EPHA6: variants seen among roughly 807,000 people sequenced by gnomAD.
EPHA6 encodes ephrin type-A receptor 6.
EPHA6 carries 50 observed loss-of-function variants against 112.0 expected under a neutral mutation model. The ratio of observed to expected loss-of-function variants is 0.45; its 90% CI spans 0.36 to 0.56. The LOEUF is 0.56. EPHA6 is among the 20% of genes least tolerant of loss of function. The pLI, the probability that EPHA6 is intolerant of heterozygous loss-of-function variation, is 0.00. For missense variants in EPHA6, 1,280 were observed against 1,417.4 expected, an observed-to-expected ratio of 0.90 and a Z score of 1.56; for synonymous variants, 529 against 490.7, an observed-to-expected ratio of 1.08 and a Z score of -1.03.
At chr3:97,132,444 TAA>T (rs1379240236) in intron 3 of EPHA6, among the ~76,000 whole-genome samples, 2 of 152,102 alleles carry the variant, frequency 1.3e-5, no homozygotes, top group Non-Finnish European at 2.9e-5. Context: ...TTAGTCTTTT[TAA>T]ATATCTCACT....
chr3:97,083,455 TATTGCACTC>T (rs764840212), intron 3 of EPHA6, among the ~76,000 whole-genome samples: 51 of 152,018 alleles, frequency 3.4e-4, no homozygotes, highest in Non-Finnish European at 6.3e-4. Context: ...ATCACATGCT[TATTGCACTC>T]ATTGTTTACA....
At chr3:97,547,848 G>A (rs1368662826) in intron 11 of EPHA6, among the ~76,000 whole-genome samples, 2 of 152,328 alleles carry the variant, frequency 1.3e-5, no homozygotes, top group African/African-American at 2.4e-5. Flanking sequence ...GACTCTGTGG[G>A]CGTAGGACCC....
intron 3 of EPHA6, among the ~76,000 whole-genome samples, chr3:97,168,047 TAAG>T (rs2076584239): frequency 6.6e-6 from 1 of 152,126 alleles, no homozygotes; most frequent in African/African-American, 2.4e-5. Context: ...AGAATTCACT[TAAG>T]AAATTTTTCT....
At chr3:97,731,201 G>A (rs2035019256) in intron 15 of EPHA6, among the ~76,000 whole-genome samples, 1 of 152,044 alleles carries the variant, frequency 6.6e-6, no homozygotes, top group South Asian at 2.1e-4. Context: ...TTGAGCAACA[G>A]GAAAGGCAGA....
At chr3:97,668,412 C>A (rs2030388590) in intron 14 of EPHA6, among the ~76,000 whole-genome samples, 1 of 152,134 alleles carries the variant, frequency 6.6e-6, no homozygotes, top group Non-Finnish European at 1.5e-5. Context: ...TGTCAGAAAT[C>A]CTCAGATTCA....
chr3:97,428,827 G>C (rs2089321439), intron 6 of EPHA6, among the ~76,000 whole-genome samples: 2 of 152,128 alleles, frequency 1.3e-5, no homozygotes, highest in South Asian at 4.1e-4. Context: ...ATGCTCAAAA[G>C]AGCAGTCTCC....
chr3:96,914,331 A>T (rs957155606), intron 2 of EPHA6, among the ~76,000 whole-genome samples: 1 of 152,144 alleles, frequency 6.6e-6, no homozygotes, highest in Non-Finnish European at 1.5e-5. Flanking sequence ...GTAAAGTTTT[A>T]AGTCATGTAA....
chr3:96,962,414 A>G (rs1038755907), intron 2 of EPHA6, among the ~76,000 whole-genome samples: 1 of 150,926 alleles, frequency 6.6e-6, no homozygotes, highest in Non-Finnish European at 1.5e-5. Context: ...CAGAAGCTAG[A>G]GTTGAGAGTG....
chr3:97,104,427 G>A (rs1576495264), intron 3 of EPHA6, among the ~76,000 whole-genome samples: 1 of 152,102 alleles, frequency 6.6e-6, no homozygotes, highest in Admixed American at 6.6e-5. Flanking sequence ...CTTTAGTTCT[G>A]TTTATATGAT....
At chr3:97,121,662 C>T (rs1576524893) in intron 3 of EPHA6, among the ~76,000 whole-genome samples, 1 of 152,068 alleles carries the variant, frequency 6.6e-6, no homozygotes, top group Non-Finnish European at 1.5e-5. Context: ...GGCTATATAA[C>T]TGCTTTCCCA....
intron 2 of EPHA6, among the ~76,000 whole-genome samples, chr3:96,895,012 T>TAGA (rs1481939589): frequency 6.6e-6 from 1 of 152,192 alleles, no homozygotes; most frequent in African/African-American, 2.4e-5. Context: ...CTGTGATGAA[T>TAGA]AGAAGAAACA....
intron 1 of EPHA6, among the ~76,000 whole-genome samples, chr3:96,840,953 G>A (rs759115551): frequency 2.6e-5 from 4 of 152,040 alleles, no homozygotes; most frequent in Non-Finnish European, 4.4e-5. Context: ...ATATTGTTTT[G>A]TGAACCCCCA....
At chr3:97,185,488 G>C (rs1434650820) in intron 3 of EPHA6, among the ~76,000 whole-genome samples, 4 of 152,056 alleles carry the variant, frequency 2.6e-5, no homozygotes, top group Admixed American at 2.0e-4. Context: ...CTGGCCATCA[G>C]AGAAATGCAA....
At position 97,756,451 on chromosome 3, in the gene EPHA6, A is replaced by C. The variant is rs757982249; in HGVS notation, c.*7750A>C. Among the ~76,000 whole-genome samples the C allele has an allele frequency of 4.1e-4, 63 of 152,098 alleles. No individual in the cohort carries two copies. Among genetic ancestry groups the C allele is most frequent in the South Asian group, 1.2e-3 (6 of 4,832 alleles). On this transcript the variant is annotated 3_prime_UTR_variant, in exon 18 of 18. Transcript: ENST00000389672. ...TTTAAGACAATGCTGAATATCATAC[A>C]TAGTTAATAAACAATGATTGGAGCT...
At chr3:97,167,523 C>A (rs1032774199) in intron 3 of EPHA6, among the ~76,000 whole-genome samples, 4 of 152,006 alleles carry the variant, frequency 2.6e-5, no homozygotes, top group African/African-American at 4.8e-5. Flanking sequence ...TTAAAATAAT[C>A]CCAATCTAAG....
chr3:97,384,144 T>C lies in EPHA6; in HGVS notation c.1607-21006T>C, dbSNP rs368080385. On this transcript the variant is annotated intron_variant, in intron 5 of 17. Coordinates refer to ENST00000389672, the MANE Select transcript of EPHA6 (RefSeq NM_001080448.3). ...TATAATGTTTATTCAATGTTGTCTT[T>C]CGTCCACAACAATAATAACAAGCCA... 2.6e-5 allele frequency among the ~76,000 whole-genome samples: 4 copies of C among 152,308 alleles called. No homozygotes were observed. In the South Asian group the frequency reaches 8.3e-4, roughly 32 times the overall value.
intron 3 of EPHA6, among the ~76,000 whole-genome samples, chr3:97,138,922 G>T (rs1012365985): frequency 1.3e-5 from 2 of 152,172 alleles, no homozygotes; most frequent in African/African-American, 4.8e-5. Context: ...TGGATTTGGG[G>T]TGTGAAACCT....
intron 10 of EPHA6, among the ~76,000 whole-genome samples, chr3:97,502,832 C>CAAAAAAAAAAAAA (rs397990595): frequency 2.8e-5 from 1 of 35,898 alleles, no homozygotes; most frequent in African/African-American, 9.7e-5. Context: ...GACTCTGTCT[C>CAAAAAAAAAAAAA]AAAAAAAAAA....
intron 5 of EPHA6, among the ~76,000 whole-genome samples, chr3:97,294,471 TCAAC>T (rs138139239): frequency 0.039 from 5,865 of 152,330 alleles, 417 homozygotes; most frequent in Admixed American, 0.2. Context: ...TAAAATTCAT[TCAAC>T]CAGTCTATAT....
Sources: allele counts gnomAD v4.1 joint callset (sites outside exome capture counted in the v4.1 genomes callset), GRCh38; gene constraint gnomAD v4.1.1; transcripts MANE v1.5; gene names NCBI Gene and HGNC (gene_info 2026-07-23, HGNC 2026-07-21).